Variants in KCNH8 observed in about 807,000 individuals in gnomAD.
KCNH8 encodes the protein potassium voltage-gated channel subfamily H member 8.
A neutral mutation model predicts 103.6 loss-of-function variants in KCNH8; 70 were observed. That is an observed-to-expected ratio of 0.68 (90% CI 0.56 to 0.82). The LOEUF is 0.82. Among genes scored for constraint, KCNH8 ranks in the 40% least tolerant of loss-of-function variants. The pLI, the probability that KCNH8 is intolerant of heterozygous loss-of-function variation, is 0.00. For synonymous variants in KCNH8, 498 were observed against 489.4 expected (o/e 1.02, Z -0.23); for missense variants, 1,217 against 1,329.9 (o/e 0.92, Z 1.32).
At chr3:19,514,721 T>C (rs147450219) in intron 13 of KCNH8, among the ~76,000 whole-genome samples, 223 of 151,990 alleles carry the variant, frequency 1.5e-3, no homozygotes, top group African/African-American at 4.4e-3. Flanking sequence ...TTTAGAGTTT[T>C]CTCTAAGTCT....
At chr3:19,166,788 G>A (rs2063289990) in intron 1 of KCNH8, among the ~76,000 whole-genome samples, 1 of 152,100 alleles carries the variant, frequency 6.6e-6, no homozygotes, top group South Asian at 2.1e-4. Flanking sequence ...AAGCAGCAGG[G>A]ATATCTAGTA....
chr3:19,430,395 G>A (rs754465950), intron 7 of KCNH8, among the ~76,000 whole-genome samples: 1 of 151,948 alleles, frequency 6.6e-6, no homozygotes, highest in Non-Finnish European at 1.5e-5. Flanking sequence ...TGGGTAGCAT[G>A]ATGCCTCCAG....
At chr3:19,355,250 T>A (rs575720364) in intron 5 of KCNH8, among the ~76,000 whole-genome samples, 1 of 152,176 alleles carries the variant, frequency 6.6e-6, no homozygotes, top group South Asian at 2.1e-4. Flanking sequence ...CTAGAGAGGA[T>A]GTGGAGAAAT....
intron 1 of KCNH8, among the ~76,000 whole-genome samples, chr3:19,154,506 A>T (rs114124483): frequency 0.016 from 2,506 of 152,346 alleles, 80 homozygotes; most frequent in African/African-American, 0.056. Context: ...CATGTTCTAC[A>T]GTCTAAAGCA....
intron 14 of KCNH8, 82 bp from the exon 15 acceptor site, chr3:19,517,916 T>C (rs2068902394): frequency 8.9e-7 from 1 of 1,124,640 alleles, no homozygotes. Context: ...GCGTGGACTT[T>C]CTTTCATATT....
At chr3:19,490,060 G>A (rs1223050270) in intron 11 of KCNH8, among the ~76,000 whole-genome samples, 1 of 152,308 alleles carries the variant, frequency 6.6e-6, no homozygotes, top group Non-Finnish European at 1.5e-5. Context: ...CCGCTCTGAC[G>A]AGGCGTTCCA....
Position 19,392,417 on chromosome 3 carries a change from C to T in KCNH8, c.969+1779C>T, listed in dbSNP as rs555893590. ...AGTGAGCATATGAGAATTTAAAAAG[C>T]TGGCACCTAAATTCGTTATCCCTCT... On this transcript the variant is annotated intron_variant, in intron 6 of 15. Coordinates refer to ENST00000328405, the MANE Select transcript of KCNH8 (RefSeq NM_144633.3). Among the ~76,000 whole-genome samples, 33 of 151,614 alleles carry T rather than the reference C, an allele frequency of 2.2e-4. No homozygotes were observed. In the South Asian group the frequency reaches 6.7e-3, roughly 31 times the overall value.
rs773967900 is a variant in KCNH8, at chr3:19,450,239, C to T, written c.1509C>T (p.Leu503=). The T allele has an allele frequency of 1.9e-6, 3 of 1,613,640 alleles. No homozygotes were observed. Among genetic ancestry groups the T allele is most frequent in the Non-Finnish European group, 2.5e-6 (3 of 1,179,770 alleles). The change falls in exon 9 of 16, where the codon CTC becomes CTT. Residue 503 remains leucine (L), a synonymous_variant. Coordinates refer to ENST00000328405, the MANE Select transcript of KCNH8 (RefSeq NM_144633.3). ...GTGTCCATCACTTGCCCCAACAACT[C>T]AAGCAGAGGATGCTCGAATATTTTC... The part of the protein sequence containing the change: ...FIRVHHLPQQ[L]KQRMLEYFQT...
At chr3:19,311,167 C>T (rs1221867242) in intron 3 of KCNH8, among the ~76,000 whole-genome samples, 3 of 151,700 alleles carry the variant, frequency 2.0e-5, no homozygotes, top group African/African-American at 7.3e-5. Flanking sequence ...ATTTGCCTCT[C>T]ATGTCTAATA....
chr3:19,253,581 A>G lies in KCNH8; in HGVS notation c.77-73A>G, dbSNP rs1223459741. 3.3e-6 allele frequency: 4 copies of G among 1,201,822 alleles called. No homozygotes were observed. The African/African-American group carries it at 4.5e-5, about 14-fold the overall frequency. 74.4% of individuals were successfully genotyped at this position (1,201,822 alleles called of 1,614,324 possible). ...AGCTAGCTAAACACATATGCTGATA[A>G]TTTATACAGGAATTGTGTATAAATT... On this transcript the variant is annotated intron_variant, in intron 1 of 15. Coordinates refer to ENST00000328405, the MANE Select transcript of KCNH8 (RefSeq NM_144633.3).
At chr3:19,307,652 G>A (rs1443274243) in intron 3 of KCNH8, among the ~76,000 whole-genome samples, 1 of 151,928 alleles carries the variant, frequency 6.6e-6, no homozygotes, top group African/African-American at 2.4e-5. Context: ...CAACTTAGGT[G>A]TCTAAAAACA....
intron 1 of KCNH8, among the ~76,000 whole-genome samples, chr3:19,240,644 A>C (rs7639540): frequency 0.063 from 9,520 of 151,676 alleles, 984 homozygotes; most frequent in African/African-American, 0.21. Flanking sequence ...AAACTTCGGA[A>C]TCTATTCAAC....
At chr3:19,234,582 C>G (rs1314177594) in intron 1 of KCNH8, among the ~76,000 whole-genome samples, 1 of 152,242 alleles carries the variant, frequency 6.6e-6, no homozygotes, top group Non-Finnish European at 1.5e-5. Flanking sequence ...CGCTGGCCCG[C>G]AAGCACCGTC....
chr3:19,405,562 T>C (rs2066679073), intron 7 of KCNH8, among the ~76,000 whole-genome samples: 1 of 151,960 alleles, frequency 6.6e-6, no homozygotes, highest in Non-Finnish European at 1.5e-5. Context: ...AGATGTTTTA[T>C]AAATCACTGA....
rs141442113 is a variant in KCNH8 at position 19,318,662 on chromosome 3, TACACACACACAC to T, written c.443-23911_443-23900del. On this transcript the variant is annotated intron_variant, in intron 3 of 15. Transcript: ENST00000328405. ...GTAAGTGTGTGTGTGTGTGTGTGTGTACACACACACACACACACACACACATATACGGTAGAT... is the reference window on the plus strand; with the variant it reads ...GTAAGTGTGTGTGTGTGTGTGTGTGTACACACACACACATATACGGTAGAT... 2.1e-5 allele frequency among the ~76,000 whole-genome samples: 3 copies of T among 142,522 alleles called. No individual in the cohort carries two copies. In the South Asian group the frequency reaches 6.7e-4, roughly 32 times the overall value. 93.5% of individuals were successfully genotyped at this position (142,522 alleles called of 152,430 possible).
At chr3:19,190,078 G>A (rs2063537064) in intron 1 of KCNH8, among the ~76,000 whole-genome samples, 1 of 151,842 alleles carries the variant, frequency 6.6e-6, no homozygotes, top group Admixed American at 6.6e-5. Context: ...GCTTGCTGAG[G>A]GGGGAATACT....
At chr3:19,391,995 T>C (rs1024124717) in intron 6 of KCNH8, among the ~76,000 whole-genome samples, 12 of 151,834 alleles carry the variant, frequency 7.9e-5, no homozygotes, top group Non-Finnish European at 1.8e-4. Context: ...AATTCCATTT[T>C]AAATTAATTT....
chr3:19,169,087 T>G (rs2063312791), intron 1 of KCNH8, among the ~76,000 whole-genome samples: 1 of 152,132 alleles, frequency 6.6e-6, no homozygotes. Context: ...GTCACTGTTT[T>G]ATTAAATGAG....
chr3:19,274,386 C>T (rs1379402400), intron 2 of KCNH8, among the ~76,000 whole-genome samples: 2 of 152,092 alleles, frequency 1.3e-5, no homozygotes, highest in African/African-American at 4.8e-5. Context: ...GTTTTCAGGG[C>T]CTCTTTATCT....
Sources: allele counts gnomAD v4.1 joint callset (sites outside exome capture counted in the v4.1 genomes callset), GRCh38; gene constraint gnomAD v4.1.1; transcripts MANE v1.5; gene names NCBI Gene and HGNC (gene_info 2026-07-23, HGNC 2026-07-21).